The following TNKS2 variants were observed in gnomAD, a reference collection of about 807,000 sequenced individuals.
The protein encoded by TNKS2 is poly [ADP-ribose] polymerase tankyrase-2.
Under a neutral mutation model 137.6 loss-of-function variants are expected in TNKS2, and 72 were observed. The observed-to-expected ratio is 0.52, with a 90% CI of 0.43 to 0.64. TNKS2 has a LOEUF of 0.64. Ranked by LOEUF, TNKS2 falls within the 30% of genes least tolerant of loss-of-function variation. TNKS2 has a pLI of 0.00. For synonymous variants in TNKS2, 516 were observed against 512.1 expected, an observed-to-expected ratio of 1.01 and a Z score of -0.10; for missense variants, 1,049 against 1,410.2, an observed-to-expected ratio of 0.74 and a Z score of 4.10.
intron 7 of TNKS2, among the ~76,000 whole-genome samples, chr10:91,823,062 A>AAT (rs1433084456): frequency 6.6e-6 from 1 of 151,672 alleles, no homozygotes; most frequent in African/African-American, 2.4e-5. Flanking sequence ...AAAAAAAAAA[A>AAT]AATAATGTAG....
chr10:91,840,047 AG>A (rs755078484), intron 13 of TNKS2, among the ~76,000 whole-genome samples: 49 of 152,342 alleles, frequency 3.2e-4, no homozygotes, highest in Middle Eastern at 6.8e-3. Context: ...TAGAATATAA[AG>A]GCATACGTGA....
chr10:91,828,208 G>A, intron 8 of TNKS2, 77 bp from the exon 9 acceptor site: 1 of 1,326,352 alleles, frequency 7.5e-7, no homozygotes, highest in Non-Finnish European at 9.9e-7. Context: ...TAATTTCAAG[G>A]AAAATACTAG....
rs970434933 is a variant in TNKS2, at chr10:91,798,715, G to C, written c.25G>C (p.Gly9Arg). The C allele has an allele frequency of 1.9e-5, 24 of 1,237,470 alleles. No homozygotes were observed. The highest frequency in any genetic ancestry group is 4.3e-5 in the Admixed American group (1 of 23,446). The allele number at this position is 1,237,470 out of a possible 1,614,324, so 76.7% of individuals were successfully genotyped here. The change falls in exon 1 of 27, where the codon GGG becomes CGG. Residue 9 changes from glycine to arginine, a missense_variant. Transcript: ENST00000371627. The stretch of plus-strand genomic sequence containing the variant: ...CATGTCGGGTCGCCGCTGCGCCGGC[G>C]GGGGAGCGGCCTGCGCGAGCGCCGC... MSGRRCAG[G>R]GAACASAAAE...
At chr10:91,834,668 C>T (rs1589672489) in intron 12 of TNKS2, among the ~76,000 whole-genome samples, 1 of 152,148 alleles carries the variant, frequency 6.6e-6, no homozygotes, top group East Asian at 1.9e-4. Flanking sequence ...TTCTGGGAAC[C>T]ACGTTTTGAG....
chr10:91,841,164 A>G (rs1276037514), intron 14 of TNKS2, 119 bp from the exon 15 acceptor site: 1 of 913,388 alleles, frequency 1.1e-6, no homozygotes, highest in Non-Finnish European at 1.5e-6. Context: ...TAGGTTCTAC[A>G]AAGTATAATC....
At chr10:91,858,835 C>T (rs1039442266) in intron 24 of TNKS2, among the ~76,000 whole-genome samples, 1 of 152,060 alleles carries the variant, frequency 6.6e-6, no homozygotes, top group African/African-American at 2.4e-5. Flanking sequence ...ATGTTGAAAC[C>T]CTGTCTCTAC....
chr10:91,851,418 A>AATAT (rs200853437), intron 21 of TNKS2, 82 bp downstream of exon 21: 10 of 1,005,456 alleles, frequency 9.9e-6, no homozygotes, highest in Admixed American at 9.8e-5. Flanking sequence ...ATAATTTAAA[A>AATAT]ATATGAGAGA....
chr10:91,852,848 T>C (rs1842589024), intron 21 of TNKS2, among the ~76,000 whole-genome samples: 1 of 152,180 alleles, frequency 6.6e-6, no homozygotes. Flanking sequence ...TAGAATAAGC[T>C]CAATTAAAGG....
At chr10:91,822,842 G>A (rs904202109) in intron 7 of TNKS2, among the ~76,000 whole-genome samples, 1 of 152,020 alleles carries the variant, frequency 6.6e-6, no homozygotes, top group Non-Finnish European at 1.5e-5. Context: ...ACAGCCATGA[G>A]CCACCATGCC....
chr10:91,849,154 A>G (rs1337261252), intron 19 of TNKS2, among the ~76,000 whole-genome samples: 1 of 152,200 alleles, frequency 6.6e-6, no homozygotes. Flanking sequence ...TGCTCTTTAG[A>G]TGTAAACCTT....
chr10:91,826,248 G>C (rs1350770884), intron 7 of TNKS2, among the ~76,000 whole-genome samples: 3 of 152,112 alleles, frequency 2.0e-5, no homozygotes, highest in African/African-American at 7.2e-5. Flanking sequence ...GGTTAGGTGT[G>C]GAATTTTCCA....
At chr10:91,840,084 T>C (rs1842164179) in intron 13 of TNKS2, among the ~76,000 whole-genome samples, 1 of 152,232 alleles carries the variant, frequency 6.6e-6, no homozygotes, top group Non-Finnish European at 1.5e-5. Flanking sequence ...CTCACACTTG[T>C]AATCCTAGCA....
At chr10:91,850,634 G>A (rs1042821883) in intron 20 of TNKS2, among the ~76,000 whole-genome samples, 1 of 151,974 alleles carries the variant, frequency 6.6e-6, no homozygotes, top group African/African-American at 2.4e-5. Context: ...CAGGAGAATC[G>A]CTTGAACCCG....
intron 14 of TNKS2, 132 bp downstream of exon 14, chr10:91,840,838 G>A: frequency 7.1e-6 from 6 of 841,246 alleles, no homozygotes; most frequent in Non-Finnish European, 1.1e-5. Context: ...ATTAAATAGA[G>A]CTTCTTAATT....
intron 3 of TNKS2, 69 bp downstream of exon 3, chr10:91,817,298 C>A: frequency 9.6e-7 from 1 of 1,044,882 alleles, no homozygotes; most frequent in Non-Finnish European, 1.4e-6. Flanking sequence ...GGAAATTTGC[C>A]TCCTATGATT....
chr10:91,836,231 C>A (rs75588054), intron 12 of TNKS2, among the ~76,000 whole-genome samples: 16,443 of 151,480 alleles, frequency 0.11, 978 homozygotes, highest in East Asian at 0.19. Flanking sequence ...TGCCAATTTT[C>A]TTTTTTTGAT....
chr10:91,843,059 C>CT (rs768753869), intron 16 of TNKS2, among the ~76,000 whole-genome samples: 10 of 151,658 alleles, frequency 6.6e-5, no homozygotes, highest in Non-Finnish European at 1.5e-4. Context: ...CTAAAGCTTT[C>CT]TATTTTTCCT....
At chr10:91,854,776 G>T (rs1842650428) in intron 21 of TNKS2, among the ~76,000 whole-genome samples, 1 of 151,896 alleles carries the variant, frequency 6.6e-6, no homozygotes, top group African/African-American at 2.4e-5. Context: ...GGTAGCGAAT[G>T]CCTGTAATCT....
chr10:91,856,196 C>T (rs1203364907), intron 23 of TNKS2, among the ~76,000 whole-genome samples: 3 of 152,134 alleles, frequency 2.0e-5, no homozygotes, highest in Non-Finnish European at 4.4e-5. Flanking sequence ...TGCTGTCTTA[C>T]TGATTTCAGT....
Sources: gnomAD v4.1 joint callset for allele counts (sites outside exome capture counted in the v4.1 genomes callset) on GRCh38, gnomAD v4.1.1 for gene constraint, MANE v1.5 for transcripts, NCBI Gene and HGNC (gene_info 2026-07-23, HGNC 2026-07-21) for gene names.